Variants in EPS8 observed in about 807,000 individuals in gnomAD.
The protein encoded by EPS8 is EGFR pathway substrate 8, signaling adaptor, also known as epidermal growth factor receptor kinase substrate 8.
EPS8 carries 42 observed loss-of-function variants against 103.8 expected under a neutral mutation model. The observed-to-expected ratio is 0.40, with a 90% CI of 0.32 to 0.52. EPS8 has a LOEUF of 0.52. Ranked by LOEUF, EPS8 falls within the 20% of genes least tolerant of loss-of-function variation. The probability of loss-of-function intolerance (pLI) is 0.40; values close to 1 mark genes in which losing one functional copy is unlikely to be tolerated. For missense variants in EPS8, 969 were observed against 1,005.1 expected (o/e 0.96, Z 0.49); for synonymous variants, 344 against 344.6 (o/e 1.00, Z 0.02).
At chr12:15,639,826 A>G (rs1945198205) in intron 17 of EPS8, among the ~76,000 whole-genome samples, 1 of 152,146 alleles carries the variant, frequency 6.6e-6, no homozygotes, top group Admixed American at 6.5e-5. Context: ...CGCAGCTTCT[A>G]CTCAAATTCA....
At chr12:15,709,138 T>C (rs544196617) in intron 1 of EPS8, among the ~76,000 whole-genome samples, 50 of 152,262 alleles carry the variant, frequency 3.3e-4, no homozygotes, top group East Asian at 2.3e-3. Flanking sequence ...ATAATAAGCA[T>C]GTACTGAATG....
At chr12:15,650,032 A>G (rs1945384579) in intron 14 of EPS8, among the ~76,000 whole-genome samples, 2 of 152,192 alleles carry the variant, frequency 1.3e-5, no homozygotes, top group Non-Finnish European at 1.5e-5. Context: ...TCAATGTTCA[A>G]TGTTCTTTTC....
At chr12:15,754,150 C>T (rs1946961166) in intron 1 of EPS8, among the ~76,000 whole-genome samples, 1 of 151,986 alleles carries the variant, frequency 6.6e-6, no homozygotes, top group South Asian at 2.1e-4. Context: ...GGCATGAATT[C>T]TCTCTGTCCC....
rs989491825 is a variant in EPS8, at chr12:15,772,172, G to A, written c.-22+16989C>T. ...TGACATATAGGTGGGGCAGAAAGGT[G>A]GGTAAGAAAAAGAGTCCAGGAAAAA... On this transcript the variant is annotated intron_variant, in intron 1 of 20. Coordinates refer to ENST00000281172, the MANE Select transcript of EPS8 (RefSeq NM_004447.6). The surrounding 1 kb of genome is among the most constrained non-coding windows in gnomAD (Gnocchi z 5.0). Among the ~76,000 whole-genome samples the A allele has an allele frequency of 1.3e-5, 2 of 151,970 alleles. No individual in the cohort carries two copies. Among genetic ancestry groups the A allele is most frequent in the African/African-American group, 4.8e-5 (2 of 41,372 alleles).
intron 1 of EPS8, chr12:15,712,951 A>G: frequency 2.0e-6 from 2 of 985,378 alleles, no homozygotes; most frequent in Non-Finnish European, 2.4e-6. Flanking sequence ...CTTTGGCACA[A>G]CGTCAGAAAG....
At chr12:15,631,343 A>G in intron 18 of EPS8, 99 bp downstream of exon 18, 1 of 1,518,596 alleles carries the variant, frequency 6.6e-7, no homozygotes, top group Non-Finnish European at 9.0e-7. Flanking sequence ...ATGCAAGTAT[A>G]AAGGACTTTA....
chr12:15,647,043 A>G, intron 15 of EPS8, 84 bp downstream of exon 15: 1 of 1,299,122 alleles, frequency 7.7e-7, no homozygotes, highest in Non-Finnish European at 1.1e-6. Flanking sequence ...GAAGCAGTAG[A>G]CAATACAGAC....
At chr12:15,626,536 G>C (rs1944948939) in intron 18 of EPS8, among the ~76,000 whole-genome samples, 1 of 151,436 alleles carries the variant, frequency 6.6e-6, no homozygotes, top group Non-Finnish European at 1.5e-5. Context: ...GGCTGAGGCA[G>C]GAGAATCTCT....
chr12:15,775,483 A>G (rs1010244464), intron 1 of EPS8, among the ~76,000 whole-genome samples: 1 of 152,204 alleles, frequency 6.6e-6, no homozygotes, highest in African/African-American at 2.4e-5. Flanking sequence ...AATACATGTA[A>G]TTTGGAAATA....
intron 13 of EPS8, among the ~76,000 whole-genome samples, chr12:15,653,263 C>T (rs988263722): frequency 6.6e-6 from 1 of 152,308 alleles, no homozygotes; most frequent in South Asian, 2.1e-4. Flanking sequence ...AACTACCAGA[C>T]TGACCTTTCT....
intron 12 of EPS8, among the ~76,000 whole-genome samples, chr12:15,655,829 C>A (rs966137308): frequency 6.6e-6 from 1 of 152,200 alleles, no homozygotes; most frequent in African/African-American, 2.4e-5. Context: ...GAGAGCAACT[C>A]GCAGGTGTAA....
At chr12:15,726,585 TTACA>T (rs970848550) in intron 1 of EPS8, among the ~76,000 whole-genome samples, 16 of 152,284 alleles carry the variant, frequency 1.1e-4, no homozygotes, top group African/African-American at 3.4e-4. Flanking sequence ...AGATACACAC[TTACA>T]TACATACACA....
intron 17 of EPS8, 122 bp downstream of exon 17, chr12:15,640,581 G>GA (rs1945211389): frequency 2.5e-6 from 2 of 810,502 alleles, no homozygotes; most frequent in Non-Finnish European, 3.6e-6. Flanking sequence ...AATTACTCTA[G>GA]AAAAAATATA....
intron 1 of EPS8, among the ~76,000 whole-genome samples, chr12:15,750,472 T>C (rs1384550424): frequency 6.6e-6 from 1 of 152,198 alleles, no homozygotes; most frequent in Admixed American, 6.5e-5. Context: ...GGTTTCATTT[T>C]CCAGAATCAT....
chr12:15,766,493 T>C (rs1356585697), intron 1 of EPS8, among the ~76,000 whole-genome samples: 6 of 139,010 alleles, frequency 4.3e-5, no homozygotes, highest in Non-Finnish European at 9.1e-5. Context: ...CGAGACTCCA[T>C]CTCAAAAAAA....
At position 15,700,373 on chromosome 12, in the gene EPS8, A is replaced by T. The variant is rs1946296892; in HGVS notation, c.-21-17401T>A. Among the ~76,000 whole-genome samples, 1 of 152,154 alleles carries T rather than the reference A, an allele frequency of 6.6e-6. No individual in the cohort carries two copies. Among genetic ancestry groups the T allele is most frequent in the South Asian group, 2.1e-4 (1 of 4,828 alleles). ...CCTGAACTGAAATTGTGCTATAAAG[A>T]GTTATATGTGTGGGCTAAAAGAGAA... On this transcript the variant is annotated intron_variant, in intron 1 of 20. Coordinates refer to ENST00000281172, the MANE Select transcript of EPS8 (RefSeq NM_004447.6). This position sits in a 1 kb window ranked among gnomAD's most constrained non-coding sequence, Gnocchi z 5.1.
rs1282252290 is a variant in EPS8 at position 15,716,974 on chromosome 12, G to C, written c.-21-34002C>G. Among the ~76,000 whole-genome samples the C allele has an allele frequency of 6.6e-6, 1 of 152,096 alleles. No individual in the cohort carries two copies. The highest frequency in any genetic ancestry group is 1.5e-5 in the Non-Finnish European group (1 of 68,024). On this transcript the variant is annotated intron_variant, in intron 1 of 20. Coordinates refer to ENST00000281172, the MANE Select transcript of EPS8 (RefSeq NM_004447.6). The surrounding 1 kb of genome is among the most constrained non-coding windows in gnomAD (Gnocchi z 5.0). ...TCCTAACTTTAATACCTTTTTCAGT[G>C]AGAGTAAGAAACCCAAAAGAAGTTT... is the stretch of plus-strand genomic sequence containing the variant.
intron 1 of EPS8, among the ~76,000 whole-genome samples, chr12:15,703,862 T>G (rs1209906409): frequency 6.8e-6 from 1 of 146,762 alleles, no homozygotes; most frequent in Non-Finnish European, 1.5e-5. Flanking sequence ...TTTTTTTTTT[T>G]TTTTTTTTGG....
intron 1 of EPS8, 170 bp from the exon 2 acceptor site, chr12:15,683,142 T>A: frequency 7.4e-6 from 3 of 403,324 alleles, no homozygotes; most frequent in Non-Finnish European, 4.3e-6. Context: ...TAGATGAACA[T>A]TTAAACAAAG....
Sources: allele counts gnomAD v4.1 joint callset (sites outside exome capture counted in the v4.1 genomes callset), GRCh38; gene constraint gnomAD v4.1.1; non-coding constraint Gnocchi (gnomAD v3.1); transcripts MANE v1.5; gene names NCBI Gene and HGNC (gene_info 2026-07-23, HGNC 2026-07-21).